The following RNPC3 variants were observed in gnomAD, a reference collection of about 807,000 sequenced individuals.
RNPC3 encodes RNA-binding region-containing protein 3.
A neutral mutation model predicts 67.5 loss-of-function variants in RNPC3; 48 were observed. The ratio of observed to expected loss-of-function variants is 0.71; its 90% confidence interval spans 0.56 to 0.90. The LOEUF (loss-of-function observed/expected upper bound fraction) is 0.90, where lower values mean the gene tolerates loss of function less well. Ranked by LOEUF, RNPC3 falls within the 40% of genes least tolerant of loss-of-function variation. The pLI is 0.00. For synonymous variants in RNPC3, 239 were observed against 210.3 expected, an observed-to-expected ratio of 1.14 and a Z score of -1.18; for missense variants, 637 against 626.1, an observed-to-expected ratio of 1.02 and a Z score of -0.19.
rs1472997858 is a variant in RNPC3 at position 103,544,960 on chromosome 1, T to C, written c.1065T>C (p.Val355=). 1.3e-6 allele frequency: 2 copies of C among 1,527,854 alleles called. No individual in the cohort carries two copies. The highest frequency in any genetic ancestry group is 1.4e-5 in the African/African-American group (1 of 72,648). 94.6% of individuals were successfully genotyped at this position (1,527,854 alleles called of 1,614,324 possible). A position where few individuals can be genotyped will look rare whatever the true frequency, so the allele number is the denominator to read the frequency against. The change falls in exon 10 of 15, where the codon GTT becomes GTC. Residue 355 remains valine, a synonymous_variant. Transcript: ENST00000423855. ...TCTTAGATTTACCTGCTACTGAAGT[T>C]GATGCATCCAATATAGGATTTGGAA... ...EKNHDLPATE[V]DASNIGFGKI... is the part of the protein sequence containing the mutation.
chr1:103,526,550 G>A (rs1337897357), intron 1 of RNPC3, among the ~76,000 whole-genome samples: 1 of 152,160 alleles, frequency 6.6e-6, no homozygotes, highest in Non-Finnish European at 1.5e-5. Context: ...CATCCTGAGA[G>A]CCTCACAACT....
chr1:103,544,790 G>T, intron 9 of RNPC3, 151 bp from the exon 10 acceptor site: 1 of 432,824 alleles, frequency 2.3e-6, no homozygotes, highest in Non-Finnish European at 3.9e-6. Flanking sequence ...TATAGAAAAT[G>T]TTTGTGTATG....
intron 7 of RNPC3, among the ~76,000 whole-genome samples, chr1:103,539,712 A>G (rs1651075095): frequency 6.6e-6 from 1 of 152,160 alleles, no homozygotes; most frequent in African/African-American, 2.4e-5. Flanking sequence ...TCTTCAGGAA[A>G]TGTAACAAGA....
At chr1:103,548,546 T>C (rs1651304519) in intron 12 of RNPC3, among the ~76,000 whole-genome samples, 1 of 152,212 alleles carries the variant, frequency 6.6e-6, no homozygotes, top group Non-Finnish European at 1.5e-5. Flanking sequence ...CATCTCCATC[T>C]GAGACCACCT....
At position 103,550,924 on chromosome 1, in the gene RNPC3, C is replaced by T. The variant is rs987847696; in HGVS notation, c.1362-17C>T. 1 of 1,607,290 alleles carries T rather than the reference C, an allele frequency of 6.2e-7. No homozygotes were observed. Among genetic ancestry groups the T allele is most frequent in the East Asian group, 2.2e-5 (1 of 44,714 alleles). ...GAAACTGACATTCTTTGAATCAAAACTGTTTCTTCCTTCTAGGTTTGATAT... is the reference window on the plus strand; with the variant it reads ...GAAACTGACATTCTTTGAATCAAAATTGTTTCTTCCTTCTAGGTTTGATAT... On this transcript the variant is annotated splice_polypyrimidine_tract_variant and intron_variant, in intron 12 of 14. Transcript: ENST00000423855.
intron 8 of RNPC3, among the ~76,000 whole-genome samples, chr1:103,542,828 G>T (rs1028699325): frequency 6.6e-6 from 1 of 151,514 alleles, no homozygotes; most frequent in Non-Finnish European, 1.5e-5. Flanking sequence ...TAATATTTTG[G>T]ATATAATGAG....
At chr1:103,543,053 A>G (rs1056965489) in intron 8 of RNPC3, among the ~76,000 whole-genome samples, 3 of 151,760 alleles carry the variant, frequency 2.0e-5, no homozygotes, top group African/African-American at 7.2e-5. Flanking sequence ...GACCTTATAC[A>G]AATTATTGAC....
chr1:103,546,336 A>G lies in RNPC3; in HGVS notation c.1296A>G (p.Gln432=). 2 of 1,411,314 alleles carry G rather than the reference A, an allele frequency of 1.4e-6. No individual in the cohort carries two copies. The highest frequency in any genetic ancestry group is 1.4e-5 in the South Asian group (1 of 71,362). The allele number at this position is 1,411,314 out of a possible 1,614,324, so 87.4% of individuals were successfully genotyped here. A position where few individuals can be genotyped will look rare whatever the true frequency, so the allele number is the denominator to read the frequency against. The change falls in exon 11 of 15, where the codon CAA becomes CAG. Residue 432 remains glutamine, a synonymous_variant. Transcript: ENST00000423855. ...TAAAGAATTTAGCTAAACATGTTCA[A>G]GAAAAGGTAGGTATAAATTGATTTT... ...IYVKNLAKHV[Q]EKDLKYIFGR...
At position 103,535,404 on chromosome 1, in the gene RNPC3, T is replaced by C. The variant is rs1448774294; in HGVS notation, c.518T>C (p.Val173Ala). Residue 173 changes from valine to alanine, a missense_variant, in exon 5 of 15, where the codon GTA becomes GCA. Physicochemically the swap from Val to Ala is moderately conservative, Grantham distance 64. Around this residue, in one of 3 missense-constraint regions of RNPC3, gnomAD observed 536 missense variants for 500.3 expected, o/e 1.07. Transcript: ENST00000423855. ...TCCAGCACAATCCTAGCAAACATTGTAAATGCCTTGGCAAGCGTGCCTAAG... is the reference window on the plus strand; with the variant it reads ...TCCAGCACAATCCTAGCAAACATTGCAAATGCCTTGGCAAGCGTGCCTAAG... The part of the protein sequence containing the change: ...PPSSTILANI[V>A]NALASVPKFY... The C allele has an allele frequency of 3.3e-6, 5 of 1,535,628 alleles. No individual in the cohort carries two copies. In the African/African-American group the frequency reaches 5.5e-5, roughly 17 times the overall value.
chr1:103,545,267 CATACTT>C, intron 10 of RNPC3, 165 bp downstream of exon 10: 1 of 550,132 alleles, frequency 1.8e-6, no homozygotes. Context: ...TTTAAATACT[CATACTT>C]TATAGTGGAG....
In RNPC3 at chr1:103,543,444, C is replaced by A; in HGVS notation, c.1042C>A (p.His348Asn). 6.7e-7 allele frequency: 1 copy of A among 1,501,840 alleles called. No homozygotes were observed. The highest frequency in any genetic ancestry group is 8.8e-7 in the Non-Finnish European group (1 of 1,130,814). 93.0% of individuals were successfully genotyped at this position (1,501,840 alleles called of 1,614,324 possible). ...GGAACAAAATTGTGAGGAAAAAAAT[C>A]ATGGTAAGGATATTCTAGTTATTTC... ...EKEQNCEEKN[H>N]DLPATEVDAS... is the part of the protein sequence containing the mutation. The change falls in exon 9 of 15, where the codon CAT becomes AAT. Residue 348 changes from histidine (H) to asparagine (N), a missense_variant. By Grantham distance (68) the His-to-Asn change is moderately conservative. This residue lies in a region of RNPC3 where 536 missense variants were observed against 500.3 expected (regional missense o/e 1.07). Transcript: ENST00000423855.
In RNPC3 at chr1:103,537,455, T is replaced by G; in HGVS notation, c.738T>G (p.Tyr246Ter). The change falls in exon 7 of 15, where the codon TAT becomes TAG. Residue 246 changes from tyrosine to a stop codon, truncating the protein, a stop_gained. Coordinates refer to ENST00000423855, the MANE Select transcript of RNPC3 (RefSeq NM_017619.4). LOFTEE classifies it high-confidence loss of function. ...AATTATCTAGTGAAGAATCAGAATA[T>G]GAAAGCACTGATGATGAGGACCGAC... ...DEELSSEESE[Y>*]ESTDDEDRQR... 2 of 1,536,694 alleles carry G rather than the reference T, an allele frequency of 1.3e-6. No individual in the cohort carries two copies. The highest frequency in any genetic ancestry group is 1.7e-6 in the Non-Finnish European group (2 of 1,146,672).
Position 103,534,831 on chromosome 1 carries a change from A to G in RNPC3, c.417A>G (p.Val139=). Residue 139 remains valine (V), a synonymous_variant, in exon 4 of 15, where the codon GTA becomes GTG. Coordinates refer to ENST00000423855, the MANE Select transcript of RNPC3 (RefSeq NM_017619.4). ...KEKKELGYLT[V]ENGIAPNHGL... ...AAAAAGAACTTGGTTATTTAACAGTAGAAAATGGAATTGCACCAAACCATG... is the reference window on the plus strand; with the variant it reads ...AAAAAGAACTTGGTTATTTAACAGTGGAAAATGGAATTGCACCAAACCATG... 2.6e-6 allele frequency: 4 copies of G among 1,533,122 alleles called. No homozygotes were observed. The highest frequency in any genetic ancestry group is 3.5e-6 in the Non-Finnish European group (4 of 1,144,702). 95.0% of individuals were successfully genotyped at this position (1,533,122 alleles called of 1,614,324 possible).
At chr1:103,550,580 G>T (rs1245425145) in intron 12 of RNPC3, among the ~76,000 whole-genome samples, 1 of 147,690 alleles carries the variant, frequency 6.8e-6, no homozygotes, top group African/African-American at 2.5e-5. Flanking sequence ...GATGGAGCTT[G>T]CAGTGAGCGG....
intron 12 of RNPC3, among the ~76,000 whole-genome samples, chr1:103,550,086 C>T (rs927157980): frequency 2.0e-5 from 3 of 152,048 alleles, no homozygotes; most frequent in South Asian, 4.2e-4. Context: ...ATCGCTTAAA[C>T]CCAGGAGGTG....
chr1:103,535,767 A>G (rs941893701), intron 5 of RNPC3, among the ~76,000 whole-genome samples: 1 of 152,090 alleles, frequency 6.6e-6, no homozygotes, highest in Non-Finnish European at 1.5e-5. Flanking sequence ...CAGTAATAAC[A>G]TATTTTTTTG....
At chr1:103,535,108 AT>A (rs1462367088) in intron 4 of RNPC3, among the ~76,000 whole-genome samples, 1 of 152,024 alleles carries the variant, frequency 6.6e-6, no homozygotes, top group Non-Finnish European at 1.5e-5. Context: ...TTCAGTGCAG[AT>A]AAAGCATCTA....
intron 7 of RNPC3, among the ~76,000 whole-genome samples, chr1:103,539,648 A>G (rs187942837): frequency 5.4e-4 from 83 of 152,298 alleles, no homozygotes; most frequent in South Asian, 1.5e-3. Flanking sequence ...TTGAGTCCTG[A>G]GAGAGAACAT....
intron 14 of RNPC3, 107 bp from the exon 15 acceptor site, chr1:103,554,927 C>T (rs1435648126): frequency 6.6e-6 from 1 of 152,112 alleles, no homozygotes; most frequent in Non-Finnish European, 1.5e-5. Context: ...GTTATACTGA[C>T]ATGATTCACT....
Sources: allele counts gnomAD v4.1 joint callset (sites outside exome capture counted in the v4.1 genomes callset), GRCh38; gene constraint gnomAD v4.1.1; regional missense constraint gnomAD v4.1.1; transcripts MANE v1.5; gene names NCBI Gene and HGNC (gene_info 2026-07-23, HGNC 2026-07-21).